CNTNAP2: variants seen among roughly 807,000 people sequenced by gnomAD.
CNTNAP2 encodes the protein contactin-associated protein-like 2.
CNTNAP2 carries 98 observed loss-of-function variants against 155.2 expected under a neutral mutation model. That is an observed-to-expected ratio of 0.63 (90% CI 0.54 to 0.75). CNTNAP2 has a LOEUF of 0.75. CNTNAP2 is among the 30% of genes least tolerant of loss of function. CNTNAP2 has a pLI of 0.00. For missense variants in CNTNAP2, 1,727 were observed against 1,688.1 expected (o/e 1.02, Z -0.40); for synonymous variants, 651 against 631.2 (o/e 1.03, Z -0.47).
intron 21 of CNTNAP2, among the ~76,000 whole-genome samples, chr7:148,325,562 T>A (rs766235496): frequency 1.4e-4 from 22 of 152,228 alleles, no homozygotes; most frequent in Non-Finnish European, 3.1e-4. Flanking sequence ...TTCAGAGAGT[T>A]GCACAGGAGA....
chr7:148,269,015 A>G (rs1280476080), intron 21 of CNTNAP2, among the ~76,000 whole-genome samples: 1 of 152,186 alleles, frequency 6.6e-6, no homozygotes, highest in Non-Finnish European at 1.5e-5. Context: ...GATAAAGCCT[A>G]TATCTTGTGC....
At chr7:147,176,742 AATT>A (rs927510021) in intron 8 of CNTNAP2, among the ~76,000 whole-genome samples, 4 of 99,910 alleles carry the variant, frequency 4.0e-5, no homozygotes, top group African/African-American at 1.5e-4. Flanking sequence ...ATAGAATTAT[AATT>A]ATAATATATA....
chr7:147,035,042 G>T (rs1014113759), intron 3 of CNTNAP2, among the ~76,000 whole-genome samples: 1 of 152,134 alleles, frequency 6.6e-6, no homozygotes, highest in Admixed American at 6.5e-5. Flanking sequence ...CTCCCATATC[G>T]CATTCTGTTT....
intron 1 of CNTNAP2, among the ~76,000 whole-genome samples, chr7:146,667,782 G>T (rs1800224738): frequency 6.7e-6 from 1 of 150,202 alleles, no homozygotes. Context: ...TTAGTTTGTT[G>T]CTTGTGTATA....
At chr7:146,133,204 A>G (rs1478841417) in intron 1 of CNTNAP2, among the ~76,000 whole-genome samples, 5 of 152,150 alleles carry the variant, frequency 3.3e-5, no homozygotes, top group Admixed American at 2.6e-4. Flanking sequence ...GTTTGCATAA[A>G]TGTCTTCTTT....
chr7:147,757,467 A>T (rs965076864), intron 13 of CNTNAP2, among the ~76,000 whole-genome samples: 1 of 152,114 alleles, frequency 6.6e-6, no homozygotes, highest in African/African-American at 2.4e-5. Flanking sequence ...TTTCAGATCT[A>T]CAGGTGCTTC....
chr7:147,138,365 C>T (rs1454285543), intron 8 of CNTNAP2, among the ~76,000 whole-genome samples: 1 of 151,812 alleles, frequency 6.6e-6, no homozygotes. Flanking sequence ...AAATAAGATA[C>T]CCTTGGACAT....
intron 13 of CNTNAP2, among the ~76,000 whole-genome samples, chr7:147,665,686 C>A (rs998584232): frequency 6.6e-6 from 1 of 152,188 alleles, no homozygotes; most frequent in Non-Finnish European, 1.5e-5. Flanking sequence ...GTGTTCACAT[C>A]ATTTAGCTCC....
In CNTNAP2 at chr7:147,891,768, C is replaced by A. The variant is rs1302978965; in HGVS notation, c.2099-11797C>A. Among the ~76,000 whole-genome samples, 5 of 152,000 alleles carry A rather than the reference C, an allele frequency of 3.3e-5. No homozygotes were observed. In the East Asian group the frequency reaches 7.7e-4, roughly 24 times the overall value. On this transcript the variant is annotated intron_variant, in intron 13 of 23. Transcript: ENST00000361727. ...AATGAAAGATACTAAATTATATGAGCCTCAGATAGTTTACCAAATAATTCC... is the reference window on the plus strand; with the variant it reads ...AATGAAAGATACTAAATTATATGAGACTCAGATAGTTTACCAAATAATTCC...
chr7:146,590,860 T>C (rs1798771260), intron 1 of CNTNAP2, among the ~76,000 whole-genome samples: 1 of 152,222 alleles, frequency 6.6e-6, no homozygotes, highest in Non-Finnish European at 1.5e-5. Context: ...GATACAGGTA[T>C]TCTGGTGATG....
At chr7:146,466,543 CT>C (rs1288520786) in intron 1 of CNTNAP2, among the ~76,000 whole-genome samples, 1 of 152,174 alleles carries the variant, frequency 6.6e-6, no homozygotes, top group Non-Finnish European at 1.5e-5. Context: ...TTTAATCTAT[CT>C]TTTCACCCTT....
At chr7:146,533,502 G>T (rs1377377182) in intron 1 of CNTNAP2, among the ~76,000 whole-genome samples, 3 of 152,236 alleles carry the variant, frequency 2.0e-5, no homozygotes, top group Admixed American at 2.0e-4. Flanking sequence ...GAGAACTAGA[G>T]TCTTAAAGAA....
At chr7:148,223,240 C>G (rs1029635609) in intron 19 of CNTNAP2, among the ~76,000 whole-genome samples, 1 of 152,140 alleles carries the variant, frequency 6.6e-6, no homozygotes, top group Non-Finnish European at 1.5e-5. Flanking sequence ...GATGACTTCT[C>G]CTTGCTTTAA....
intron 13 of CNTNAP2, among the ~76,000 whole-genome samples, chr7:147,646,730 A>G (rs962642437): frequency 5.9e-5 from 9 of 152,308 alleles, no homozygotes; most frequent in South Asian, 2.1e-4. Flanking sequence ...CCTGCAAGGA[A>G]GTAACACGTT....
chr7:147,379,345 A>G (rs903792017), intron 9 of CNTNAP2, among the ~76,000 whole-genome samples: 2 of 152,072 alleles, frequency 1.3e-5, no homozygotes, highest in African/African-American at 4.8e-5. Flanking sequence ...ATGGGGGCCA[A>G]ATATTCCATG....
At chr7:147,636,231 T>A (rs1015115057) in intron 12 of CNTNAP2, among the ~76,000 whole-genome samples, 2 of 152,122 alleles carry the variant, frequency 1.3e-5, no homozygotes, top group African/African-American at 2.4e-5. Context: ...ACTTTTCTGA[T>A]TGATTCAAGA....
chr7:147,363,785 A>C (rs1043794895), intron 9 of CNTNAP2, among the ~76,000 whole-genome samples: 1 of 152,222 alleles, frequency 6.6e-6, no homozygotes, highest in Non-Finnish European at 1.5e-5. Flanking sequence ...GTAATTCTTT[A>C]TCTATTTAGG....
intron 8 of CNTNAP2, among the ~76,000 whole-genome samples, chr7:147,218,570 T>G (rs554926072): frequency 0.01 from 404 of 39,440 alleles, 1 homozygote; most frequent in African/African-American, 0.039. Context: ...TTTTTTCTGT[T>G]TTTTTTTTCT....
At chr7:147,703,665 A>C (rs765236761) in intron 13 of CNTNAP2, among the ~76,000 whole-genome samples, 1 of 152,176 alleles carries the variant, frequency 6.6e-6, no homozygotes, top group African/African-American at 2.4e-5. Flanking sequence ...CAGAGTATTT[A>C]GGGTGTCTGT....
Sources: gnomAD v4.1 joint callset for allele counts (sites outside exome capture counted in the v4.1 genomes callset) on GRCh38, gnomAD v4.1.1 for gene constraint, MANE v1.5 for transcripts, NCBI Gene and HGNC (gene_info 2026-07-23, HGNC 2026-07-21) for gene names.